Variants in VPS53 observed in about 807,000 individuals in gnomAD.
VPS53 encodes VPS53 subunit of GARP complex.
In VPS53, 70 loss-of-function variants were observed where a neutral mutation model predicts 107.0. The ratio of observed to expected loss-of-function variants is 0.65; its 90% CI spans 0.54 to 0.80. The LOEUF is 0.80. Ranked by LOEUF, VPS53 falls within the 30% of genes least tolerant of loss-of-function variation. The pLI is 0.00. For synonymous variants in VPS53, 409 were observed against 393.3 expected (o/e 1.04, Z -0.47); for missense variants, 917 against 1,049.4 (o/e 0.87, Z 1.74).
intron 5 of VPS53, chr17:657,622 T>A (rs117611809): frequency 0.019 from 12,326 of 638,948 alleles, 160 homozygotes; most frequent in South Asian, 0.029. Context: ...AGCAATTTGG[T>A]TGCCCAGGTT....
intron 3 of VPS53, among the ~76,000 whole-genome samples, chr17:699,042 C>T (rs992817256): frequency 5.9e-5 from 9 of 152,084 alleles, no homozygotes; most frequent in African/African-American, 1.9e-4. Flanking sequence ...TGGCTCACAC[C>T]TGTAATCCCA....
chr17:595,608 T>C (rs867642729), intron 12 of VPS53, among the ~76,000 whole-genome samples: 7 of 25,976 alleles, frequency 2.7e-4, no homozygotes, highest in African/African-American at 4.8e-4. Context: ...CACTCTAGTG[T>C]CCCCCCTGGA....
At chr17:526,644 T>A (rs1909146075) in intron 19 of VPS53, among the ~76,000 whole-genome samples, 1 of 152,138 alleles carries the variant, frequency 6.6e-6, no homozygotes, top group Non-Finnish European at 1.5e-5. Flanking sequence ...GGGCAAGGGG[T>A]GGCTATTGCC....
intron 13 of VPS53, among the ~76,000 whole-genome samples, chr17:578,675 G>A (rs1337876215): frequency 7.3e-6 from 1 of 137,056 alleles, no homozygotes; most frequent in African/African-American, 2.8e-5. Flanking sequence ...CAACTTCCCT[G>A]AGAACCTAAT....
chr17:626,489 C>T (rs1969715198), intron 10 of VPS53, among the ~76,000 whole-genome samples: 1 of 152,092 alleles, frequency 6.6e-6, no homozygotes, highest in African/African-American at 2.4e-5. Context: ...GCCTGGCCAA[C>T]GTGGTGAAAC....
chr17:700,215 T>C (rs958029634), intron 2 of VPS53, among the ~76,000 whole-genome samples: 1 of 152,202 alleles, frequency 6.6e-6, no homozygotes, highest in Non-Finnish European at 1.5e-5. Context: ...ATCTATCAAC[T>C]ACGTATTGCA....
At chr17:568,334 C>G (rs1437550644) in intron 13 of VPS53, among the ~76,000 whole-genome samples, 1 of 152,124 alleles carries the variant, frequency 6.6e-6, no homozygotes, top group African/African-American at 2.4e-5. Flanking sequence ...TTCTGCCTCC[C>G]AGGCTCCAGC....
chr17:566,179 G>A (rs1203068745), intron 13 of VPS53, among the ~76,000 whole-genome samples: 1 of 148,674 alleles, frequency 6.7e-6, no homozygotes, highest in Non-Finnish European at 1.5e-5. Flanking sequence ...ACTCCAGCCT[G>A]GGCGACAGAG....
chr17:618,802 C>A (rs1969294959), intron 11 of VPS53, among the ~76,000 whole-genome samples: 1 of 150,716 alleles, frequency 6.6e-6, no homozygotes, highest in Non-Finnish European at 1.5e-5. Flanking sequence ...CCCACCAGGC[C>A]TGCTAATATT....
At position 511,922 on chromosome 17, in the gene VPS53, G is replaced by C. The variant is rs1473918535; in HGVS notation, c.*7206C>G. 6.6e-6 allele frequency: 1 copy of C among 152,250 alleles called. No individual in the cohort carries two copies. Among genetic ancestry groups the C allele is most frequent in the Non-Finnish European group, 1.5e-5 (1 of 68,086 alleles). The allele number at this position is 152,250 out of a possible 1,614,324, so 9.4% of individuals were successfully genotyped here. A position where few individuals can be genotyped will look rare whatever the true frequency, so the allele number is the denominator to read the frequency against. On this transcript the variant is annotated 3_prime_UTR_variant, in exon 22 of 22. Transcript: ENST00000437048. ...ACCCTCGCAATTCGCATTCACAGGA[G>C]ACATGCCCTATTTTCCACAACAGGC...
At chr17:700,481 G>C (rs1268159210) in intron 2 of VPS53, among the ~76,000 whole-genome samples, 1 of 152,088 alleles carries the variant, frequency 6.6e-6, no homozygotes, top group Non-Finnish European at 1.5e-5. Context: ...AACCCGGGAG[G>C]CAGAGGTTGC....
At chr17:539,430 G>GC (rs1248885878) in intron 17 of VPS53, among the ~76,000 whole-genome samples, 2 of 152,214 alleles carry the variant, frequency 1.3e-5, no homozygotes, top group African/African-American at 4.8e-5. Context: ...CATTGGTCAA[G>GC]CTAAAAGAAG....
rs544316168 is a variant in VPS53 at position 692,871 on chromosome 17, C to T, written c.285+4547G>A. ...CAAAAATGAGCTGGGCATGGTGGTG[C>T]GCACCTGTAATCCCAGCACTTTGGG... On this transcript the variant is annotated intron_variant, in intron 4 of 21. Coordinates refer to ENST00000437048, the MANE Select transcript of VPS53 (RefSeq NM_001128159.3). Among the ~76,000 whole-genome samples, 5 of 152,176 alleles carry T rather than the reference C, an allele frequency of 3.3e-5. 1 individual carries two copies. Among genetic ancestry groups the T allele is most frequent in the South Asian group, 4.1e-4 (2 of 4,820 alleles).
At chr17:548,444 AC>A in intron 17 of VPS53, among the ~76,000 whole-genome samples, 1 of 148,988 alleles carries the variant, frequency 6.7e-6, no homozygotes, top group Non-Finnish European at 1.5e-5. Context: ...ATATCCAACG[AC>A]TACACTCCAC....
chr17:601,343 C>T (rs977369650), intron 12 of VPS53, among the ~76,000 whole-genome samples: 1 of 152,166 alleles, frequency 6.6e-6, no homozygotes, highest in Non-Finnish European at 1.5e-5. Flanking sequence ...TTGACATTTC[C>T]AGGCCTCCCC....
At chr17:568,913 C>T (rs1408497435) in intron 13 of VPS53, among the ~76,000 whole-genome samples, 1 of 152,192 alleles carries the variant, frequency 6.6e-6, no homozygotes, top group Non-Finnish European at 1.5e-5. Flanking sequence ...GGTGCACACA[C>T]AGCTATAGAG....
intron 18 of VPS53, among the ~76,000 whole-genome samples, chr17:535,657 C>T (rs1909993962): frequency 6.6e-6 from 1 of 152,176 alleles, no homozygotes; most frequent in South Asian, 2.1e-4. Context: ...CTGCTTCTAC[C>T]AGCAGTTATG....
chr17:647,946 C>T (rs926387826), intron 7 of VPS53, among the ~76,000 whole-genome samples: 3 of 152,198 alleles, frequency 2.0e-5, no homozygotes, highest in Non-Finnish European at 2.9e-5. Context: ...AGGATGGGGC[C>T]GCTGTCCGTG....
intron 1 of VPS53, chr17:714,099 T>G (rs1369419558): frequency 6.6e-6 from 1 of 152,336 alleles, no homozygotes; most frequent in African/African-American, 2.4e-5. Context: ...TTGGGAGTAT[T>G]CTCCAACCTC....
Sources: allele counts gnomAD v4.1 joint callset (sites outside exome capture counted in the v4.1 genomes callset), GRCh38; gene constraint gnomAD v4.1.1; transcripts MANE v1.5; gene names NCBI Gene and HGNC (gene_info 2026-07-23, HGNC 2026-07-21).